Variants in XIRP1 observed in about 807,000 individuals in gnomAD.
The protein encoded by XIRP1 is xin actin binding repeat containing 1.
For synonymous variants in XIRP1, 984 were observed against 947.0 expected (o/e 1.04, Z -0.72); for missense variants, 2,378 against 2,345.4 (o/e 1.01, Z -0.29).
rs2040022459 is a variant in XIRP1 at position 39,188,203 on chromosome 3, A to T, written c.1243T>A (p.Ser415Thr). 1 of 1,614,010 alleles carries T rather than the reference A, an allele frequency of 6.2e-7. No homozygotes were observed. The highest frequency in any genetic ancestry group is 8.5e-7 in the Non-Finnish European group (1 of 1,180,032). Residue 415 changes from serine (S) to threonine (T), a missense_variant, in exon 2 of 2, where the codon TCC becomes ACC. Transcript: ENST00000340369. ...GGCAGTGCTGAGGAGCTGTCACTGG[A>T]TAGATGCCCCTCACCGTCCTGGGGA... ...VDPQDGEGHL[S>T]SDSSSALPFS...
At position 39,187,079 on chromosome 3, in the gene XIRP1, G is replaced by A; in HGVS notation, c.2367C>T (p.Gly789=). The A allele has an allele frequency of 1.2e-6, 2 of 1,613,388 alleles. No homozygotes were observed. The highest frequency in any genetic ancestry group is 1.7e-6 in the Non-Finnish European group (2 of 1,179,412). ...HATPGILHHG[G]ILMEARGPGE... The stretch of plus-strand genomic sequence containing the variant: ...CTGGCCCTCGGGCCTCCATGAGGAT[G>A]CCTCCATGGTGCAGGATGCCAGGTG... Residue 789 remains glycine, a synonymous_variant, in exon 2 of 2, where the codon GGC becomes GGT. Transcript: ENST00000340369.
chr3:39,189,957 A>G (rs1371369143), intron 1 of XIRP1, among the ~76,000 whole-genome samples: 2 of 152,060 alleles, frequency 1.3e-5, no homozygotes, highest in South Asian at 2.1e-4. Context: ...TCCTATGGAG[A>G]CGAGATTCCT....
Position 39,185,243 on chromosome 3 carries a change from A to G in XIRP1, c.4203T>C (p.His1401=). 2 of 1,614,092 alleles carry G rather than the reference A, an allele frequency of 1.2e-6. No individual in the cohort carries two copies. Among genetic ancestry groups the G allele is most frequent in the Non-Finnish European group, 1.7e-6 (2 of 1,180,022 alleles). Residue 1401 remains histidine, a synonymous_variant, in exon 2 of 2, where the codon CAT becomes CAC. Coordinates refer to ENST00000340369, the MANE Select transcript of XIRP1 (RefSeq NM_194293.4). ...PSGHSQPSLQ[H]GLSTTAPRPT... Reference sequence around the variant, plus strand: ...GCCTGGGGGCCGTGGTGCTGAGGCCATGTTGTAAGCTGGGCTGGCTATGTC... The same window carrying G: ...GCCTGGGGGCCGTGGTGCTGAGGCCGTGTTGTAAGCTGGGCTGGCTATGTC...
chr3:39,184,173 C>T lies in XIRP1; in HGVS notation c.5273G>A (p.Ser1758Asn). The T allele has an allele frequency of 1.2e-6, 2 of 1,614,070 alleles. No individual in the cohort carries two copies. The highest frequency in any genetic ancestry group is 1.7e-6 in the Non-Finnish European group (2 of 1,179,956). ...TCTCATGGCTCCATAGTGTTGTGAG[C>T]TCCCTGGCCCCGTCTGTAGCTCCAG... ...SVLELQTGPG[S>N]SQHYGAMRTV... Residue 1758 changes from serine (S) to asparagine (N), a missense_variant, in exon 2 of 2, where the codon AGC (serine) becomes AAC (asparagine). Physicochemically the swap from Ser to Asn is conservative, Grantham distance 46. Transcript: ENST00000340369.
Position 39,184,421 on chromosome 3 carries a change from G to T in XIRP1, c.5025C>A (p.Ile1675=), listed in dbSNP as rs757865452. 1 of 1,614,186 alleles carries T rather than the reference G, an allele frequency of 6.2e-7. No individual in the cohort carries two copies. Among genetic ancestry groups the T allele is most frequent in the South Asian group, 1.1e-5 (1 of 91,080 alleles). The change falls in exon 2 of 2, where the codon ATC becomes ATA. Residue 1675 remains isoleucine, a synonymous_variant. Coordinates refer to ENST00000340369, the MANE Select transcript of XIRP1 (RefSeq NM_194293.4). ...CTAGAGGCTTCCTTGTGGCCGACTG[G>T]ATGGAGATAAATGTTGGGGAGGAGG... ...DSPSSPTFIS[I]QSATRKPLET...
At chr3:39,190,259 A>G (rs2040069193) in intron 1 of XIRP1, among the ~76,000 whole-genome samples, 1 of 152,206 alleles carries the variant, frequency 6.6e-6, no homozygotes, top group African/African-American at 2.4e-5. Context: ...TAGCACAATC[A>G]TTTATAAATA....
rs748614699 is a variant in XIRP1 at position 39,185,132 on chromosome 3, T to A, written c.4314A>T (p.Pro1438=). The part of the protein sequence containing the change: ...LNALNHDPTS[P]QWGPGPSGEQ... ...CTCCTGAGGGGCCGGGGCCCCACTG[T>A]GGTGAGGTGGGATCATGGTTGAGGG... The change falls in exon 2 of 2, where the codon CCA becomes CCT. Residue 1438 remains proline (P), a synonymous_variant. Coordinates refer to ENST00000340369, the MANE Select transcript of XIRP1 (RefSeq NM_194293.4). 3.0e-5 allele frequency: 48 copies of A among 1,576,924 alleles called. 1 individual carries two copies. The South Asian group carries it at 5.6e-4, about 18-fold the overall frequency.
intron 1 of XIRP1, among the ~76,000 whole-genome samples, chr3:39,190,479 A>ATG (rs1427393389): frequency 6.6e-6 from 1 of 152,106 alleles, no homozygotes; most frequent in African/African-American, 2.4e-5. Context: ...GGAGAGGACC[A>ATG]TGGGATCAGG....
chr3:39,184,481 G>T lies in XIRP1; in HGVS notation c.4965C>A (p.Cys1655Ter). 1.2e-6 allele frequency: 2 copies of T among 1,614,066 alleles called. No homozygotes were observed. The highest frequency in any genetic ancestry group is 2.7e-5 in the African/African-American group (2 of 75,060). Residue 1655 changes from cysteine (C) to a stop codon, truncating the protein, a stop_gained, in exon 2 of 2, where the codon TGC (cysteine) becomes TGA (stop). Coordinates refer to ENST00000340369, the MANE Select transcript of XIRP1 (RefSeq NM_194293.4). LOFTEE classifies it low-confidence loss of function (END_TRUNC). ...GGCTGGAAGGTAAAACCCGAGGAGG[G>T]CACAAATACTCTCTTGATGTCTCCT... ...RRQETSREYL[C>*]PPRVLPSSRD... is the part of the protein sequence containing the mutation.
rs2039938043 is a variant in XIRP1, at chr3:39,185,012, C to T, written c.4434G>A (p.Val1478=). Residue 1478 remains valine, a synonymous_variant, in exon 2 of 2, where the codon GTG becomes GTA. Transcript: ENST00000340369. ...QKELQGLLNQ[V]QALEKEAASS... ...TTGCGGCCTCCTTCTCCAGGGCTTG[C>T]ACCTGGTTCAGGAGGCCCTGGAGCT... 1 of 1,521,272 alleles carries T rather than the reference C, an allele frequency of 6.6e-7. No homozygotes were observed. The highest frequency in any genetic ancestry group is 2.3e-5 in the Admixed American group (1 of 44,290). The allele number at this position is 1,521,272 out of a possible 1,614,324, so 94.2% of individuals were successfully genotyped here.
At position 39,189,068 on chromosome 3, in the gene XIRP1, G is replaced by A. The variant is rs116742064; in HGVS notation, c.378C>T (p.Thr126=). The change falls in exon 2 of 2, where the codon ACC becomes ACT. Residue 126 remains threonine (T), a synonymous_variant. Coordinates refer to ENST00000340369, the MANE Select transcript of XIRP1 (RefSeq NM_194293.4). ...AGGAGCCTTCCTCAAACTTGCGGGA[G>A]GTGGCCTGGACGTCACCACACAGCA... ...EPVLCGDVQA[T]SRKFEEGSFA... The A allele has an allele frequency of 1.7e-4, 269 of 1,614,176 alleles. 2 individuals carry two copies. The African/African-American group carries it at 3.3e-3, about 20-fold the overall frequency.
rs1165380584 is a variant in XIRP1 at position 39,187,831 on chromosome 3, G to A, written c.1615C>T (p.Arg539Trp). ...STIDVVRGITRQEVVAGDVGT... is the reference protein window; with the variant it reads ...STIDVVRGITWQEVVAGDVGT... ...ACGTCCCCAGCCACCACTTCCTGCC[G>A]GGTGATGCCCCGCACCACGTCGATG... Residue 539 changes from arginine to tryptophan, a missense_variant, in exon 2 of 2, where the codon CGG becomes TGG. Transcript: ENST00000340369. The A allele has an allele frequency of 1.3e-5, 21 of 1,614,112 alleles. No individual in the cohort carries two copies. The highest frequency in any genetic ancestry group is 1.6e-4 in the Middle Eastern group (1 of 6,062).
rs2040018332 is a variant in XIRP1, at chr3:39,188,061, C to A, written c.1385G>T (p.Gly462Val). ...SIGQGEVLAHGSPSREEGTDS... is the reference protein window; with the variant it reads ...SIGQGEVLAHVSPSREEGTDS... ...AGTTCCTTCTTCTCTGCTTGGACTC[C>A]CATGGGCCAGAACCTCACCCTGTCC... Residue 462 changes from glycine to valine, a missense_variant, in exon 2 of 2, where the codon GGG becomes GTG. Physicochemically the swap from Gly to Val is moderately radical, Grantham distance 109. Coordinates refer to ENST00000340369, the MANE Select transcript of XIRP1 (RefSeq NM_194293.4). 1 of 1,614,090 alleles carries A rather than the reference C, an allele frequency of 6.2e-7. No homozygotes were observed. Among genetic ancestry groups the A allele is most frequent in the African/African-American group, 1.3e-5 (1 of 74,934 alleles).
rs1369208915 is a variant in XIRP1 at position 39,188,010 on chromosome 3, A to G, written c.1436T>C (p.Ile479Thr). ...CTGCATGGCATACACTGGGGACCCT[A>G]TGCCCTGGGCCTGCCCAGCAGAATC... The part of the protein sequence containing the change: ...GTDSAGQAQG[I>T]GSPVYAMQDS... The change falls in exon 2 of 2, where the codon ATA (isoleucine) becomes ACA (threonine). Residue 479 changes from isoleucine (I) to threonine (T), a missense_variant. Transcript: ENST00000340369. 3.1e-6 allele frequency: 5 copies of G among 1,614,182 alleles called. No homozygotes were observed. Among genetic ancestry groups the G allele is most frequent in the Non-Finnish European group, 4.2e-6 (5 of 1,180,024 alleles).
At position 39,186,665 on chromosome 3, in the gene XIRP1, C is replaced by T. The variant is rs764008718; in HGVS notation, c.2781G>A (p.Gln927=). Residue 927 remains glutamine, a synonymous_variant, in exon 2 of 2, where the codon CAG becomes CAA. Coordinates refer to ENST00000340369, the MANE Select transcript of XIRP1 (RefSeq NM_194293.4). ...TSKASERSSV[Q]LLASCIDKGD... ...CTTTATCTATGCAGCTGGCCAACAGCTGCACGCTGCTCCTCTCAGAGGCCT... is the reference window on the plus strand; with the variant it reads ...CTTTATCTATGCAGCTGGCCAACAGTTGCACGCTGCTCCTCTCAGAGGCCT... The T allele has an allele frequency of 2.5e-6, 4 of 1,613,496 alleles. No individual in the cohort carries two copies. The highest frequency in any genetic ancestry group is 2.5e-6 in the Non-Finnish European group (3 of 1,179,912).
Position 39,184,154 on chromosome 3 carries a change from G to A in XIRP1, c.5292C>T (p.Ala1764=). 1.2e-6 allele frequency: 2 copies of A among 1,613,292 alleles called. No individual in the cohort carries two copies. The highest frequency in any genetic ancestry group is 1.7e-6 in the Non-Finnish European group (2 of 1,179,406). The change falls in exon 2 of 2, where the codon GCC becomes GCT. Residue 1764 remains alanine (A), a synonymous_variant. Coordinates refer to ENST00000340369, the MANE Select transcript of XIRP1 (RefSeq NM_194293.4). Reference sequence around the variant, plus strand: ...CATACTGTTCAGTCACGGTTCTCATGGCTCCATAGTGTTGTGAGCTCCCTG... The same window carrying A: ...CATACTGTTCAGTCACGGTTCTCATAGCTCCATAGTGTTGTGAGCTCCCTG... ...TGPGSSQHYG[A]MRTVTEQYEE...
At position 39,185,076 on chromosome 3, in the gene XIRP1, G is replaced by A. The variant is rs775350289; in HGVS notation, c.4370C>T (p.Ala1457Val). 7.2e-6 allele frequency: 11 copies of A among 1,524,220 alleles called. No individual in the cohort carries two copies. Among genetic ancestry groups the A allele is most frequent in the Non-Finnish European group, 9.7e-6 (11 of 1,139,502 alleles). The allele number at this position is 1,524,220 out of a possible 1,614,324, so 94.4% of individuals were successfully genotyped here. A position where few individuals can be genotyped will look rare whatever the true frequency, so the allele number is the denominator to read the frequency against. Residue 1457 changes from alanine (A) to valine (V), a missense_variant, in exon 2 of 2, where the codon GCC becomes GTC. Physicochemically the swap from Ala to Val is moderately conservative, Grantham distance 64. Coordinates refer to ENST00000340369, the MANE Select transcript of XIRP1 (RefSeq NM_194293.4). Reference protein sequence around the residue: ...EQPMEGSHQGAPESPDSLQRN... With the variant: ...EQPMEGSHQGVPESPDSLQRN... The stretch of plus-strand genomic sequence containing the variant: ...TTGCAGACTGTCAGGGCTCTCAGGG[G>A]CCCCTTGGTGGGAACCTTCCATGGG...
At position 39,185,326 on chromosome 3, in the gene XIRP1, C is replaced by G; in HGVS notation, c.4120G>C (p.Ala1374Pro). 1.2e-6 allele frequency: 2 copies of G among 1,614,206 alleles called. No individual in the cohort carries two copies. Among genetic ancestry groups the G allele is most frequent in the South Asian group, 1.1e-5 (1 of 91,088 alleles). Residue 1374 changes from alanine to proline, a missense_variant, in exon 2 of 2, where the codon GCC (alanine) becomes CCC (proline). By Grantham distance (27) the Ala-to-Pro change is conservative (BLOSUM62 -1). Coordinates refer to ENST00000340369, the MANE Select transcript of XIRP1 (RefSeq NM_194293.4). ...TGGTCTACAGTAGTGGGAACCTTGG[C>G]TGGCTGAGGGATGGCTGTATCTCTC... ...GERDTAIPQPAKVPTTVDQGH... is the reference protein window; with the variant it reads ...GERDTAIPQPPKVPTTVDQGH...
At position 39,183,850 on chromosome 3, in the gene XIRP1, C is replaced by T; in HGVS notation, c.*64G>A. On this transcript the variant is annotated 3_prime_UTR_variant, in exon 2 of 2. Coordinates refer to ENST00000340369, the MANE Select transcript of XIRP1 (RefSeq NM_194293.4). ...CTCCAGTGTACAGGAGGCAGGTACC[C>T]ACTTCAGTCCTGGGGCAGTGGAGGC... The T allele has an allele frequency of 6.5e-7, 1 of 1,543,198 alleles. No homozygotes were observed.
Sources: allele counts gnomAD v4.1 joint callset (sites outside exome capture counted in the v4.1 genomes callset), GRCh38; gene constraint gnomAD v4.1.1; transcripts MANE v1.5; gene names NCBI Gene and HGNC (gene_info 2026-07-23, HGNC 2026-07-21).